Variants in DLC1 observed in about 807,000 individuals in gnomAD.
DLC1 encodes the protein rho GTPase-activating protein 7.
Under a neutral mutation model 140.3 loss-of-function variants are expected in DLC1, and 54 were observed. The observed-to-expected ratio is 0.38, with a 90% CI of 0.31 to 0.48. The LOEUF (loss-of-function observed/expected upper bound fraction) is 0.48, where lower values mean the gene tolerates loss of function less well. Ranked by LOEUF, DLC1 falls within the 20% of genes least tolerant of loss-of-function variation. The pLI is 0.96. For synonymous variants in DLC1, 986 were observed against 728.1 expected (o/e 1.35, Z -5.70); for missense variants, 2,536 against 1,907.0 (o/e 1.33, Z -6.14).
intron 1 of DLC1, among the ~76,000 whole-genome samples, chr8:13,587,105 C>T (rs900066): frequency 2.6e-4 from 39 of 150,236 alleles, no homozygotes; most frequent in Non-Finnish European, 4.6e-4. Context: ...CACACACACA[C>T]ATTCATGCAT....
chr8:13,414,856 G>C (rs1837972113), intron 2 of DLC1, among the ~76,000 whole-genome samples: 1 of 152,064 alleles, frequency 6.6e-6, no homozygotes, highest in African/African-American at 2.4e-5. Flanking sequence ...TGTCACCCAG[G>C]CTGGAGTGCA....
intron 1 of DLC1, among the ~76,000 whole-genome samples, chr8:13,544,863 G>T (rs1393001459): frequency 6.6e-6 from 1 of 151,990 alleles, no homozygotes; most frequent in African/African-American, 2.4e-5. Context: ...GTTCTATAAT[G>T]CTGCTTAAAT....
intron 6 of DLC1, among the ~76,000 whole-genome samples, chr8:13,115,367 T>C (rs1485371568): frequency 2.0e-5 from 3 of 151,946 alleles, no homozygotes; most frequent in Non-Finnish European, 2.9e-5. Context: ...TTACTTTGGG[T>C]AGGGAGTGGC....
chr8:13,545,018 G>A (rs1803608153), intron 1 of DLC1, among the ~76,000 whole-genome samples: 1 of 152,030 alleles, frequency 6.6e-6, no homozygotes, highest in African/African-American at 2.4e-5. Context: ...CTGTCCACAG[G>A]GGCTGGGTTT....
At chr8:13,458,835 A>G (rs1378469980) in intron 2 of DLC1, among the ~76,000 whole-genome samples, 1 of 152,104 alleles carries the variant, frequency 6.6e-6, no homozygotes, top group Non-Finnish European at 1.5e-5. Context: ...ATTTGGAAAA[A>G]AAAAAAGATG....
At chr8:13,536,789 A>G (rs1335368468) in intron 1 of DLC1, among the ~76,000 whole-genome samples, 2 of 152,176 alleles carry the variant, frequency 1.3e-5, no homozygotes, top group African/African-American at 2.4e-5. Flanking sequence ...ATGTTGAAAT[A>G]ACACATGTAT....
chr8:13,275,531 C>T (rs997757494), intron 5 of DLC1, among the ~76,000 whole-genome samples: 3 of 152,174 alleles, frequency 2.0e-5, no homozygotes, highest in Non-Finnish European at 4.4e-5. Context: ...TACCCTAATT[C>T]GGAGAGTTTT....
chr8:13,144,806 A>G (rs1472511943), intron 5 of DLC1, among the ~76,000 whole-genome samples: 1 of 152,106 alleles, frequency 6.6e-6, no homozygotes, highest in Non-Finnish European at 1.5e-5. Context: ...TCATCCATCT[A>G]TCTATTTATC....
intron 1 of DLC1, among the ~76,000 whole-genome samples, chr8:13,535,392 C>T (rs1485843340): frequency 1.3e-5 from 2 of 151,998 alleles, no homozygotes; most frequent in Non-Finnish European, 2.9e-5. Context: ...TCTAGATCTT[C>T]CTGCAACTTA....
chr8:13,499,341 T>G lies in DLC1; in HGVS notation c.731A>C (p.Glu244Ala). The change falls in exon 2 of 18, where the codon GAA becomes GCA. Residue 244 changes from glutamate (E) to alanine (A), a missense_variant. By Grantham distance (107) the Glu-to-Ala change is moderately radical. Coordinates refer to ENST00000276297, the MANE Select transcript of DLC1 (RefSeq NM_182643.3). ...QRRKPDPPKD[E>A]NERSTCNVVQ... The stretch of plus-strand genomic sequence containing the variant: ...TACATTGCAGGTGCTTCTTTCATTT[T>G]CATCTTTAGGGGGGTCAGGTTTCCT... 6.2e-7 allele frequency: 1 copy of G among 1,614,072 alleles called. No individual in the cohort carries two copies. Among genetic ancestry groups the G allele is most frequent in the Non-Finnish European group, 8.5e-7 (1 of 1,180,018 alleles).
At chr8:13,366,447 A>C (rs1363498583) in intron 4 of DLC1, among the ~76,000 whole-genome samples, 1 of 152,226 alleles carries the variant, frequency 6.6e-6, no homozygotes. Context: ...GTGAATGGGG[A>C]GGTTCTATGG....
At chr8:13,594,110 A>T (rs1267188673) in intron 1 of DLC1, among the ~76,000 whole-genome samples, 1 of 152,014 alleles carries the variant, frequency 6.6e-6, no homozygotes, top group African/African-American at 2.4e-5. Context: ...GCAGTGAATC[A>T]TGATCTTGTA....
rs1032856948 is a variant in DLC1 at position 13,421,696 on chromosome 8, G to C, written c.1024-20077C>G. ...AGGGAAATTTGAAAAATAGCCTTTT[G>C]CTTCCAAAATATTGAGGTTACTCAT... On this transcript the variant is annotated intron_variant, in intron 2 of 17. Transcript: ENST00000276297. Among the ~76,000 whole-genome samples, 17 of 152,094 alleles carry C rather than the reference G, an allele frequency of 1.1e-4. 1 individual carries two copies. Among genetic ancestry groups the C allele is most frequent in the African/African-American group, 4.1e-4 (17 of 41,410 alleles).
intron 2 of DLC1, among the ~76,000 whole-genome samples, chr8:13,403,330 C>T (rs1460751805): frequency 5.3e-5 from 8 of 152,176 alleles, no homozygotes; most frequent in African/African-American, 1.9e-4. Flanking sequence ...AGCTTTGTTA[C>T]ATTCAAAGAA....
chr8:13,113,497 G>C (rs1182818405), intron 6 of DLC1, among the ~76,000 whole-genome samples: 1 of 152,228 alleles, frequency 6.6e-6, no homozygotes, highest in Non-Finnish European at 1.5e-5. Context: ...GAGACACAGG[G>C]AATGGAATTG....
intron 5 of DLC1, among the ~76,000 whole-genome samples, chr8:13,217,076 A>T (rs1474712126): frequency 6.6e-6 from 1 of 152,166 alleles, no homozygotes; most frequent in African/African-American, 2.4e-5. Context: ...CAGCAATCAC[A>T]TCTTAATACT....
At chr8:13,443,318 C>G (rs1187961891) in intron 2 of DLC1, among the ~76,000 whole-genome samples, 2 of 144,694 alleles carry the variant, frequency 1.4e-5, no homozygotes, top group African/African-American at 5.2e-5. Flanking sequence ...CTAACCTGCA[C>G]TTTGTGCATA....
intron 5 of DLC1, among the ~76,000 whole-genome samples, chr8:13,222,812 T>A (rs961004193): frequency 2.6e-5 from 4 of 152,120 alleles, no homozygotes; most frequent in African/African-American, 9.7e-5. Context: ...GATGCAATCA[T>A]AGCTCACTGT....
chr8:13,318,205 T>G (rs1295187379), intron 4 of DLC1, among the ~76,000 whole-genome samples: 1 of 151,762 alleles, frequency 6.6e-6, no homozygotes, highest in East Asian at 1.9e-4. Context: ...AAATTTTTTT[T>G]TTTTTTTTTT....
Sources: allele counts gnomAD v4.1 joint callset (sites outside exome capture counted in the v4.1 genomes callset), GRCh38; gene constraint gnomAD v4.1.1; transcripts MANE v1.5; gene names NCBI Gene and HGNC (gene_info 2026-07-23, HGNC 2026-07-21).